The following PRDM11 variants were observed in gnomAD, a reference collection of about 807,000 sequenced individuals.
PRDM11 encodes PR/SET domain 11, also known as PR domain-containing protein 11.
Under a neutral mutation model 97.8 loss-of-function variants are expected in PRDM11, and 20 were observed. The ratio of observed to expected loss-of-function variants is 0.20; its 90% CI spans 0.14 to 0.30. The LOEUF (loss-of-function observed/expected upper bound fraction) is 0.30. PRDM11 is among the 10% of genes least tolerant of loss of function. PRDM11 has a pLI of 1.00. For missense variants in PRDM11, 1,139 were observed against 1,555.2 expected (o/e 0.73, Z 4.50); for synonymous variants, 599 against 637.7 (o/e 0.94, Z 0.91).
Position 45,230,076 on chromosome 11 carries a change from T to A in PRDM11, c.*1917T>A, listed in dbSNP as rs550490596. 1 of 151,852 alleles carries A rather than the reference T, an allele frequency of 6.6e-6. No homozygotes were observed. Among genetic ancestry groups the A allele is most frequent in the Non-Finnish European group, 1.5e-5 (1 of 67,986 alleles). The allele number at this position is 151,852 out of a possible 1,614,324, so 9.4% of individuals were successfully genotyped here. On this transcript the variant is annotated 3_prime_UTR_variant, in exon 8 of 8. Transcript: ENST00000683152. The stretch of plus-strand genomic sequence containing the variant: ...CACCTCCATGGTCTTGGTGCTAAGA[T>A]AACTTTAGAATCATTGCTGCTAGTC...
At chr11:45,117,226 CAAAAAAA>C (rs34073689) in intron 1 of PRDM11, among the ~76,000 whole-genome samples, 1 of 82,262 alleles carries the variant, frequency 1.2e-5, no homozygotes, top group Non-Finnish European at 2.3e-5. Context: ...GACTCCATCT[CAAAAAAA>C]AAAAAAAAAA....
chr11:45,128,089 T>C (rs1360049041), intron 1 of PRDM11, among the ~76,000 whole-genome samples: 5 of 152,202 alleles, frequency 3.3e-5, no homozygotes, highest in Admixed American at 2.0e-4. Context: ...CCTTGCAGTT[T>C]GATCTCAGAC....
At chr11:45,147,792 A>G (rs1237975778) in intron 1 of PRDM11, among the ~76,000 whole-genome samples, 1 of 152,176 alleles carries the variant, frequency 6.6e-6, no homozygotes, top group East Asian at 1.9e-4. Context: ...GAAAAATGTG[A>G]AACGTCTCCT....
Position 45,219,570 on chromosome 11 carries a change from G to A in PRDM11, c.555G>A (p.Arg185=), listed in dbSNP as rs768951688. The stretch of plus-strand genomic sequence containing the variant: ...CTCACCTGTCTCCCCTCCCCACCAG[G>A]TACGTGGTCATCTCCCGGGAGGAGA... ...GSDETKANWM[R]YVVISREERE... Residue 185 remains arginine (R), a splice_region_variant and synonymous_variant, in exon 6 of 8, where the codon AGG becomes AGA. Transcript: ENST00000683152. This position sits in a 1 kb window ranked among gnomAD's most constrained non-coding sequence, Gnocchi z 4.2. 1 of 1,613,110 alleles carries A rather than the reference G, an allele frequency of 6.2e-7. No homozygotes were observed. Among genetic ancestry groups the A allele is most frequent in the Non-Finnish European group, 8.5e-7 (1 of 1,179,262 alleles).
At chr11:45,152,827 C>G (rs1298871324) in intron 1 of PRDM11, among the ~76,000 whole-genome samples, 1 of 152,030 alleles carries the variant, frequency 6.6e-6, no homozygotes, top group East Asian at 1.9e-4. Context: ...CCGGCCTAAC[C>G]CGGATACTTG....
intron 1 of PRDM11, among the ~76,000 whole-genome samples, chr11:45,180,671 GC>G (rs1472352373): frequency 1.3e-5 from 2 of 150,282 alleles, no homozygotes; most frequent in Non-Finnish European, 3.0e-5. Flanking sequence ...GGCCTGGCGG[GC>G]GGGGGGCGGG....
rs1467926877 is a variant in PRDM11 at position 45,208,153 on chromosome 11, A to G, written c.554+3375A>G. 2.0e-5 allele frequency among the ~76,000 whole-genome samples: 3 copies of G among 152,118 alleles called. No homozygotes were observed. The East Asian group carries it at 5.8e-4, about 29-fold the overall frequency. On this transcript the variant is annotated intron_variant, in intron 5 of 7. Coordinates refer to ENST00000683152, the MANE Select transcript of PRDM11 (RefSeq NM_001384648.1). ...GACAGTCGTGGGCTTCTCAAATTCT[A>G]CCAAAAAGTCACAGCAGCCCACCCC...
At chr11:45,198,189 C>T (rs966672047) in intron 4 of PRDM11, among the ~76,000 whole-genome samples, 1 of 152,146 alleles carries the variant, frequency 6.6e-6, no homozygotes, top group Non-Finnish European at 1.5e-5. Context: ...TTAAGGGATG[C>T]CCCCTTTCCC....
chr11:45,175,056 C>A (rs1238176199), intron 1 of PRDM11, among the ~76,000 whole-genome samples: 1 of 152,230 alleles, frequency 6.6e-6, no homozygotes, highest in Non-Finnish European at 1.5e-5. Flanking sequence ...ACCCTGCCCC[C>A]ACACACATCC....
chr11:45,095,607 A>G (rs1392717563), upstream of PRDM11, among the ~76,000 whole-genome samples: 2 of 151,828 alleles, frequency 1.3e-5, no homozygotes, highest in Non-Finnish European at 2.9e-5. Context: ...CATTTCCCAG[A>G]CTCCTCTGCA....
intron 1 of PRDM11, 26 bp from the exon 2 acceptor site, chr11:45,181,735 T>G (rs1241398164): frequency 6.3e-7 from 1 of 1,591,896 alleles, no homozygotes; most frequent in Non-Finnish European, 8.6e-7. Flanking sequence ...CCTCTTCCTG[T>G]GCTGGTCCCA....
Position 45,227,029 on chromosome 11 carries a change from A to C in PRDM11, c.2404A>C (p.Met802Leu), listed in dbSNP as rs571141376. The change falls in exon 8 of 8, where the codon ATG becomes CTG. Residue 802 changes from methionine to leucine, a missense_variant. Around this residue, in one of 2 missense-constraint regions of PRDM11, gnomAD observed 710 missense variants for 1,044.9 expected, o/e 0.68. Coordinates refer to ENST00000683152, the MANE Select transcript of PRDM11 (RefSeq NM_001384648.1). This position sits in a 1 kb window ranked among gnomAD's most constrained non-coding sequence, Gnocchi z 8.0. ...CTTCTACCGCTACTCACCGCGCCTC[A>C]TGTGCGAGCTGCGGTCCACGGCGGC... Reference protein sequence around the residue: ...LSFYRYSPRLMCELRSTAATL... With the variant: ...LSFYRYSPRLLCELRSTAATL... 2.9e-4 allele frequency: 446 copies of C among 1,533,834 alleles called. 1 individual carries two copies. Among genetic ancestry groups the C allele is most frequent in the Non-Finnish European group, 2.1e-4 (241 of 1,146,730 alleles).
chr11:45,182,153 G>T, intron 2 of PRDM11, 93 bp from the exon 3 acceptor site: 1 of 1,108,318 alleles, frequency 9.0e-7, no homozygotes. Flanking sequence ...ACATCTTCTC[G>T]GTCTCCTGGC....
chr11:45,143,198 T>C (rs567033895), upstream of PRDM11, among the ~76,000 whole-genome samples: 1 of 152,350 alleles, frequency 6.6e-6, no homozygotes, highest in Admixed American at 6.5e-5. Flanking sequence ...GGAAAGGTCA[T>C]ATGTGCAATA....
intron 1 of PRDM11, among the ~76,000 whole-genome samples, chr11:45,178,595 A>G (rs575028824): frequency 6.0e-4 from 92 of 152,348 alleles, no homozygotes; most frequent in African/African-American, 2.1e-3. Context: ...TGAGATTCCC[A>G]ATGGGACCAG....
chr11:45,226,986 C>A lies in PRDM11; in HGVS notation c.2361C>A (p.Asn787Lys). 1.3e-6 allele frequency: 2 copies of A among 1,533,960 alleles called. No homozygotes were observed. The highest frequency in any genetic ancestry group is 1.7e-6 in the Non-Finnish European group (2 of 1,146,734). The change falls in exon 8 of 8, where the codon AAC becomes AAA. Residue 787 changes from asparagine to lysine, a missense_variant. Physicochemically the swap from Asn to Lys is moderately conservative, Grantham distance 94. This residue lies in a region of PRDM11 where 710 missense variants were observed against 1,044.9 expected (regional missense o/e 0.68). Coordinates refer to ENST00000683152, the MANE Select transcript of PRDM11 (RefSeq NM_001384648.1). ...CATGCCTGGAGGAGCTGGAGAACAA[C>A]CTGAAGCAGCTGCTGAGCTTCTACC... ...ELPCLEELEN[N>K]LKQLLSFYRY...
intron 4 of PRDM11, among the ~76,000 whole-genome samples, chr11:45,188,175 A>C (rs1313133475): frequency 6.6e-6 from 1 of 152,192 alleles, no homozygotes; most frequent in Non-Finnish European, 1.5e-5. Context: ...GGTGGTGGTC[A>C]TGACAAGCAT....
At chr11:45,157,043 C>T (rs1423780520) in intron 1 of PRDM11, among the ~76,000 whole-genome samples, 1 of 151,108 alleles carries the variant, frequency 6.6e-6, no homozygotes, top group East Asian at 2.0e-4. Context: ...GAGACTTTGC[C>T]CTGGAGGCAC....
intron 1 of PRDM11, among the ~76,000 whole-genome samples, chr11:45,180,824 C>T (rs1404246662): frequency 6.6e-6 from 1 of 151,360 alleles, no homozygotes; most frequent in African/African-American, 2.4e-5. Flanking sequence ...CAGGGGGCGG[C>T]GCGCCCGGCC....
Sources: gnomAD v4.1 joint callset for allele counts (sites outside exome capture counted in the v4.1 genomes callset) on GRCh38, gnomAD v4.1.1 for gene constraint, gnomAD v4.1.1 regional missense constraint, Gnocchi (gnomAD v3.1) non-coding constraint, MANE v1.5 for transcripts, NCBI Gene and HGNC (gene_info 2026-07-23, HGNC 2026-07-21) for gene names.